Variants in CHD2 observed in about 807,000 individuals in gnomAD.
The protein encoded by CHD2 is chromodomain helicase DNA binding protein 2.
A neutral mutation model predicts 243.9 loss-of-function variants in CHD2; 28 were observed. The observed-to-expected ratio is 0.11, with a 90% CI of 0.09 to 0.16. The LOEUF (loss-of-function observed/expected upper bound fraction) is 0.16, where lower values mean the gene tolerates loss of function less well. Among genes scored for constraint, CHD2 ranks in the 10% least tolerant of loss-of-function variants. The probability of loss-of-function intolerance (pLI) is 1.00; values close to 1 mark genes in which losing one functional copy is unlikely to be tolerated. For synonymous variants in CHD2, 775 were observed against 779.0 expected (o/e 0.99, Z 0.09); for missense variants, 1,386 against 2,209.8 (o/e 0.63, Z 7.47).
intron 13 of CHD2, 50 bp downstream of exon 13, chr15:92,949,126 TATTGTTA>T: frequency 1.3e-6 from 2 of 1,587,008 alleles, no homozygotes; most frequent in Non-Finnish European, 1.7e-6. Context: ...CTGGCTTCTT[TATTGTTA>T]GATGTCAAGA....
intron 28 of CHD2, 77 bp from the exon 29 acceptor site, chr15:92,996,880 C>T (rs2054195405): frequency 1.4e-6 from 2 of 1,394,256 alleles, no homozygotes; most frequent in African/African-American, 1.5e-5. Flanking sequence ...ACTAAGAGGT[C>T]AGGGTTCGTT....
Position 92,997,552 on chromosome 15 carries a change from G to T in CHD2, c.3885+149G>T. The T allele has an allele frequency of 1.4e-6, 1 of 690,436 alleles. No individual in the cohort carries two copies. Among genetic ancestry groups the T allele is most frequent in the Non-Finnish European group, 2.2e-6 (1 of 460,422 alleles). The allele number at this position is 690,436 out of a possible 1,614,324, so 42.8% of individuals were successfully genotyped here. A position where few individuals can be genotyped will look rare whatever the true frequency, so the allele number is the denominator to read the frequency against. ...GAAATACTTCCATCTTTAGCAGATT[G>T]TGGCACTGTTTCACGGATGAAGATA... On this transcript the variant is annotated intron_variant, in intron 30 of 38. Coordinates refer to ENST00000394196, the MANE Select transcript of CHD2 (RefSeq NM_001271.4). This position sits in a 1 kb window ranked among gnomAD's most constrained non-coding sequence, Gnocchi z 4.1.
At chr15:92,999,611 G>A (rs1029162804) in intron 31 of CHD2, among the ~76,000 whole-genome samples, 3 of 151,888 alleles carry the variant, frequency 2.0e-5, no homozygotes, top group Non-Finnish European at 4.4e-5. Flanking sequence ...ATTATTATAA[G>A]CAAAGCAAAT....
intron 6 of CHD2, 23 bp downstream of exon 6, chr15:92,937,648 C>G (rs766747803): frequency 6.5e-7 from 1 of 1,547,432 alleles, no homozygotes; most frequent in Admixed American, 1.8e-5. Context: ...CTTAAGATCT[C>G]TACTTGGGAT....
intron 6 of CHD2, 117 bp from the exon 7 acceptor site, chr15:92,939,461 C>T: frequency 9.3e-7 from 1 of 1,071,684 alleles, no homozygotes; most frequent in Non-Finnish European, 1.3e-6. Flanking sequence ...TTAACATTCC[C>T]CAAGTGAAAT....
chr15:92,953,311 G>A (rs1158572941), intron 13 of CHD2, 46 bp from the exon 14 acceptor site: 1 of 1,525,092 alleles, frequency 6.6e-7, no homozygotes, highest in Non-Finnish European at 9.1e-7. Flanking sequence ...CTGTGTTTTG[G>A]TGAACTAATG....
intron 2 of CHD2, among the ~76,000 whole-genome samples, chr15:92,912,656 T>C (rs1393766447): frequency 6.6e-6 from 1 of 152,180 alleles, no homozygotes; most frequent in African/African-American, 2.4e-5. Flanking sequence ...GCCTCAGCCT[T>C]CTGAGTAGCT....
intron 5 of CHD2, among the ~76,000 whole-genome samples, chr15:92,931,196 T>G (rs1298638617): frequency 1.3e-5 from 2 of 152,224 alleles, no homozygotes; most frequent in Non-Finnish European, 2.9e-5. Flanking sequence ...AGAAATGCTT[T>G]TCTGAAACCC....
chr15:93,000,143 TC>T (rs1341696001), intron 31 of CHD2, among the ~76,000 whole-genome samples: 1 of 151,976 alleles, frequency 6.6e-6, no homozygotes, highest in African/African-American at 2.4e-5. Context: ...GTGCTTGTAG[TC>T]CCACTTAGCT....
At chr15:92,999,991 G>T (rs2054233346) in intron 31 of CHD2, among the ~76,000 whole-genome samples, 1 of 152,136 alleles carries the variant, frequency 6.6e-6, no homozygotes, top group Non-Finnish European at 1.5e-5. Context: ...TGGCAAGGTG[G>T]CTCACACCTG....
At chr15:92,940,999 AT>A (rs1309726647) in intron 7 of CHD2, among the ~76,000 whole-genome samples, 2 of 99,882 alleles carry the variant, frequency 2.0e-5, no homozygotes, top group African/African-American at 7.2e-5. Context: ...ATATAAATAT[AT>A]ATATATAATT....
At position 93,012,364 on chromosome 15, in the gene CHD2, TCCAAG is replaced by T. The variant is rs1461554592; in HGVS notation, c.4613_4617del (p.Ser1538PhefsTer5). The T allele has an allele frequency of 6.2e-7, 1 of 1,606,798 alleles. No homozygotes were observed. The highest frequency in any genetic ancestry group is 8.5e-7 in the Non-Finnish European group (1 of 1,178,036). On this transcript the variant is annotated frameshift_variant, in exon 36 of 39. Coordinates refer to ENST00000394196, the MANE Select transcript of CHD2 (RefSeq NM_001271.4). LOFTEE classifies it high-confidence loss of function. ...TTTTAGGAACCTATGGATTTTTGTTTCCAAGTTTACAGAATTTGATGCTCGAAAAC... is the reference window on the plus strand; with the variant it reads ...TTTTAGGAACCTATGGATTTTTGTTTTTTACAGAATTTGATGCTCGAAAAC...
intron 20 of CHD2, 156 bp from the exon 21 acceptor site, chr15:92,978,078 C>A (rs2053933113): frequency 1.3e-6 from 1 of 798,334 alleles, no homozygotes; most frequent in Non-Finnish European, 2.0e-6. Context: ...ATTCTACCAT[C>A]AAGTCCCTGA....
At chr15:92,977,572 A>C (rs571159351) in intron 20 of CHD2, among the ~76,000 whole-genome samples, 13 of 152,252 alleles carry the variant, frequency 8.5e-5, no homozygotes. Context: ...ACTCAGACGC[A>C]GGCAGGTGTG....
At chr15:92,953,727 G>A in intron 14 of CHD2, 154 bp downstream of exon 14, 1 of 673,740 alleles carries the variant, frequency 1.5e-6, no homozygotes, top group South Asian at 2.0e-5. Context: ...TATCACAAAA[G>A]TGCAACTCAG....
intron 7 of CHD2, among the ~76,000 whole-genome samples, chr15:92,940,740 G>A (rs1472385094): frequency 7.0e-6 from 1 of 143,172 alleles, no homozygotes; most frequent in Non-Finnish European, 1.5e-5. Flanking sequence ...TTGTTAATAT[G>A]TGATAGGAAG....
intron 37 of CHD2, among the ~76,000 whole-genome samples, chr15:93,019,057 G>A (rs977033471): frequency 4.6e-5 from 7 of 152,228 alleles, no homozygotes; most frequent in African/African-American, 1.4e-4. Context: ...GGCTACAGAA[G>A]TTAAAAGGAT....
intron 2 of CHD2, among the ~76,000 whole-genome samples, chr15:92,919,231 A>G (rs1034891126): frequency 6.7e-6 from 1 of 149,710 alleles, no homozygotes; most frequent in South Asian, 2.1e-4. Flanking sequence ...GCACGATCTC[A>G]TTTTCCATTT....
chr15:92,985,810 TC>T, intron 26 of CHD2, 137 bp downstream of exon 26: 2 of 761,994 alleles, frequency 2.6e-6, no homozygotes, highest in South Asian at 5.3e-5. Context: ...CTGGGTCCTG[TC>T]CCAGATCTGT....
Sources: allele counts gnomAD v4.1 joint callset (sites outside exome capture counted in the v4.1 genomes callset), GRCh38; gene constraint gnomAD v4.1.1; non-coding constraint Gnocchi (gnomAD v3.1); transcripts MANE v1.5; gene names NCBI Gene and HGNC (gene_info 2026-07-23, HGNC 2026-07-21).